Variants in STXBP5 observed in about 807,000 individuals in gnomAD.
The protein encoded by STXBP5 is syntaxin binding protein 5, also known as syntaxin-binding protein 5.
A neutral mutation model predicts 152.4 loss-of-function variants in STXBP5; 50 were observed. The observed-to-expected ratio is 0.33, with a 90% confidence interval of 0.26 to 0.42. STXBP5 has a LOEUF of 0.42. STXBP5 is among the 10% of genes least tolerant of loss of function. The pLI is 1.00. For missense variants in STXBP5, 1,167 were observed against 1,388.6 expected (o/e 0.84, Z 2.54); for synonymous variants, 492 against 494.7 (o/e 0.99, Z 0.07).
chr6:147,235,141 GCCT>G, intron 2 of STXBP5, 106 bp from the exon 3 acceptor site: 1 of 812,070 alleles, frequency 1.2e-6, no homozygotes, highest in South Asian at 1.8e-5. Context: ...TCAGTAAATG[GCCT>G]GTATTGAATA....
In STXBP5 at chr6:147,353,494, T is replaced by C. The variant is rs1784681759; in HGVS notation, c.2305+121T>C. The C allele has an allele frequency of 7.1e-6, 4 of 564,946 alleles. No homozygotes were observed. The South Asian group carries it at 1.1e-4, about 15-fold the overall frequency. The allele number at this position is 564,946 out of a possible 1,614,324, so 35.0% of individuals were successfully genotyped here. ...AGCAAGTTTAAAATGACTAAGATGC[T>C]TAAGGTTTAAACATTCTTTGGAATA... On this transcript the variant is annotated intron_variant, in intron 22 of 27. Coordinates refer to ENST00000321680, the MANE Select transcript of STXBP5 (RefSeq NM_001127715.4).
chr6:147,240,105 C>A (rs1354594674), intron 4 of STXBP5, among the ~76,000 whole-genome samples: 1 of 151,948 alleles, frequency 6.6e-6, no homozygotes, highest in African/African-American at 2.4e-5. Context: ...CAACACCTGG[C>A]TAATTTTTGT....
chr6:147,226,894 A>G (rs1001429100), intron 2 of STXBP5, among the ~76,000 whole-genome samples: 4 of 152,032 alleles, frequency 2.6e-5, no homozygotes, highest in African/African-American at 4.8e-5. Context: ...TTTACCTCCT[A>G]GGAGCTACTA....
chr6:147,375,378 G>A (rs2128420126), intron 26 of STXBP5, among the ~76,000 whole-genome samples: 1 of 152,088 alleles, frequency 6.6e-6, no homozygotes, highest in East Asian at 1.9e-4. Flanking sequence ...TTCTAGACCT[G>A]AAATACTCAA....
Position 147,235,311 on chromosome 6 carries a change from C to T in STXBP5, c.310C>T (p.Leu104Phe). Residue 104 changes from leucine (L) to phenylalanine (F), a missense_variant, in exon 3 of 28, where the codon CTC becomes TTC. By Grantham distance (22) the Leu-to-Phe change is conservative. Around this residue, in one of 3 missense-constraint regions of STXBP5, gnomAD observed 310 missense variants for 346.1 expected, o/e 0.90. Coordinates refer to ENST00000321680, the MANE Select transcript of STXBP5 (RefSeq NM_001127715.4). The stretch of plus-strand genomic sequence containing the variant: ...TGACAGTGGAGCTGCAGTAATCCAG[C>T]TCCAGTTCCTGATTAATGAGGTTAG... ...QHDSGAAVIQ[L>F]QFLINEGALV... is the part of the protein sequence containing the mutation. 1.2e-6 allele frequency: 2 copies of T among 1,612,828 alleles called. No individual in the cohort carries two copies. Among genetic ancestry groups the T allele is most frequent in the South Asian group, 2.2e-5 (2 of 90,958 alleles).
At chr6:147,360,700 G>A (rs896164040) in intron 23 of STXBP5, among the ~76,000 whole-genome samples, 1 of 152,134 alleles carries the variant, frequency 6.6e-6, no homozygotes, top group African/African-American at 2.4e-5. Flanking sequence ...GTTAGGAAAA[G>A]GTGACTTGAG....
At chr6:147,282,703 G>A (rs1455531290) in intron 8 of STXBP5, among the ~76,000 whole-genome samples, 3 of 152,058 alleles carry the variant, frequency 2.0e-5, no homozygotes, top group East Asian at 1.9e-4. Flanking sequence ...GAATAACTTC[G>A]ACAGTATTGG....
intron 23 of STXBP5, among the ~76,000 whole-genome samples, chr6:147,362,925 GC>G (rs1785129004): frequency 6.6e-6 from 1 of 152,184 alleles, no homozygotes; most frequent in Non-Finnish European, 1.5e-5. Context: ...CGTTCCCAGT[GC>G]TCTGCAGCCA....
At chr6:147,266,033 A>G (rs1026733396) in intron 6 of STXBP5, among the ~76,000 whole-genome samples, 1 of 152,094 alleles carries the variant, frequency 6.6e-6, no homozygotes, top group African/African-American at 2.4e-5. Flanking sequence ...GATGAGAAGG[A>G]CTAGTCAGGC....
chr6:147,302,643 C>A (rs188902860), intron 9 of STXBP5, among the ~76,000 whole-genome samples: 7 of 151,758 alleles, frequency 4.6e-5, no homozygotes, highest in Non-Finnish European at 1.0e-4. Flanking sequence ...GGTGAAACCC[C>A]GACTCTCCTA....
intron 5 of STXBP5, among the ~76,000 whole-genome samples, chr6:147,261,930 G>A (rs1349971711): frequency 2.0e-5 from 3 of 151,622 alleles, no homozygotes; most frequent in Non-Finnish European, 2.9e-5. Context: ...TGCCTAAATT[G>A]GAGGCTAGAA....
intron 6 of STXBP5, among the ~76,000 whole-genome samples, chr6:147,265,751 G>A (rs188017146): frequency 4.6e-5 from 7 of 152,176 alleles, no homozygotes; most frequent in Admixed American, 4.6e-4. Context: ...CATTTCATAA[G>A]AAGTATTTAT....
At chr6:147,294,370 C>T (rs1052395580) in intron 9 of STXBP5, among the ~76,000 whole-genome samples, 1 of 151,990 alleles carries the variant, frequency 6.6e-6, no homozygotes, top group Middle Eastern at 3.4e-3. Context: ...ATAATATTGC[C>T]TACCTCATTG....
intron 2 of STXBP5, among the ~76,000 whole-genome samples, chr6:147,225,667 A>AGT (rs1777674018): frequency 6.6e-6 from 1 of 152,238 alleles, no homozygotes; most frequent in Non-Finnish European, 1.5e-5. Context: ...ACACAGTGGT[A>AGT]GTGACGGTAG....
At chr6:147,251,993 G>A (rs1405265321) in intron 4 of STXBP5, among the ~76,000 whole-genome samples, 4 of 152,276 alleles carry the variant, frequency 2.6e-5, no homozygotes, top group Non-Finnish European at 1.5e-5. Context: ...CAGCCTGACT[G>A]TTAGAAGGAA....
chr6:147,346,859 A>G (rs946290804), intron 21 of STXBP5, among the ~76,000 whole-genome samples: 8 of 152,196 alleles, frequency 5.3e-5, no homozygotes, highest in Non-Finnish European at 1.0e-4. Context: ...ATTTCCAGGC[A>G]TTGAACAGCA....
At chr6:147,383,198 G>A (rs1292075409) in intron 27 of STXBP5, among the ~76,000 whole-genome samples, 200 bp downstream of exon 27, 1 of 152,008 alleles carries the variant, frequency 6.6e-6, no homozygotes, top group African/African-American at 2.4e-5. Context: ...CTTACTATAA[G>A]ATTATAAATT....
At chr6:147,267,789 A>G (rs895023580) in intron 7 of STXBP5, among the ~76,000 whole-genome samples, 10 of 152,234 alleles carry the variant, frequency 6.6e-5, no homozygotes, top group African/African-American at 2.4e-4. Context: ...TACTTCATAG[A>G]TGATACTGAT....
In STXBP5 at chr6:147,310,214, C is replaced by T. The variant is rs1562478395; in HGVS notation, c.1048C>T (p.Leu350=). The change falls in exon 10 of 28, where the codon CTG becomes TTG. Residue 350 remains leucine (L), a synonymous_variant. Coordinates refer to ENST00000321680, the MANE Select transcript of STXBP5 (RefSeq NM_001127715.4). ...MDYSIVDFLT[L]CETPYPNDFQ... is the part of the protein sequence containing the mutation. ...CTATTCAATTGTTGATTTTCTAACG[C>T]TGTGTGAAACACCATACCCAAATGG... is the stretch of plus-strand genomic sequence containing the variant. The T allele has an allele frequency of 6.3e-7, 1 of 1,589,516 alleles. No homozygotes were observed. Among genetic ancestry groups the T allele is most frequent in the East Asian group, 2.3e-5 (1 of 43,784 alleles).
Sources: gnomAD v4.1 joint callset for allele counts (sites outside exome capture counted in the v4.1 genomes callset) on GRCh38, gnomAD v4.1.1 for gene constraint, gnomAD v4.1.1 regional missense constraint, MANE v1.5 for transcripts, NCBI Gene and HGNC (gene_info 2026-07-23, HGNC 2026-07-21) for gene names.